TENM2: variants seen among roughly 807,000 people sequenced by gnomAD.
TENM2 encodes teneurin transmembrane protein 2, also known as teneurin-2.
TENM2 carries 52 observed loss-of-function variants against 245.2 expected under a neutral mutation model. The observed-to-expected ratio is 0.21, with a 90% CI of 0.17 to 0.27. TENM2 has a LOEUF of 0.27. TENM2 is among the 10% of genes least tolerant of loss of function. TENM2 has a pLI of 1.00. For synonymous variants in TENM2, 1,363 were observed against 1,438.9 expected (o/e 0.95, Z 1.19); for missense variants, 3,046 against 3,666.8 (o/e 0.83, Z 4.37).
intron 2 of TENM2, among the ~76,000 whole-genome samples, chr5:167,545,391 A>G (rs1772490369): frequency 1.3e-5 from 2 of 152,178 alleles, no homozygotes; most frequent in South Asian, 4.1e-4. Flanking sequence ...GTCTATGAAA[A>G]CAGATCAGTC....
At chr5:167,345,144 C>A (rs1758379896) in intron 1 of TENM2, among the ~76,000 whole-genome samples, 1 of 152,150 alleles carries the variant, frequency 6.6e-6, no homozygotes, top group Admixed American at 6.5e-5. Context: ...CTCAATTATT[C>A]AAAAGCAGAC....
At chr5:167,806,885 C>A (rs1379023914) in intron 2 of TENM2, among the ~76,000 whole-genome samples, 1 of 151,856 alleles carries the variant, frequency 6.6e-6, no homozygotes, top group Non-Finnish European at 1.5e-5. Flanking sequence ...ACAGGGCTAA[C>A]TTTTCTGAGT....
intron 2 of TENM2, among the ~76,000 whole-genome samples, chr5:167,395,029 G>A (rs149030031): frequency 3.0e-4 from 45 of 152,244 alleles, no homozygotes; most frequent in African/African-American, 1.0e-3. Context: ...TTTAAAAAAT[G>A]TCATTGGAAT....
chr5:168,142,287 T>A (rs1439300137), intron 12 of TENM2, among the ~76,000 whole-genome samples: 1 of 152,246 alleles, frequency 6.6e-6, no homozygotes, highest in Non-Finnish European at 1.5e-5. Context: ...TTTAGCTAAG[T>A]GTAGCCGGCT....
At chr5:166,995,120 T>C in the TENM2 span, among the ~76,000 whole-genome samples, 2 of 151,480 alleles carry the variant, frequency 1.3e-5, no homozygotes, top group East Asian at 3.9e-4. Context: ...ACATATGTAG[T>C]ATGTGCTTGA....
At chr5:167,774,214 G>GGAAGGAAGGA (rs1763598518) in intron 2 of TENM2, among the ~76,000 whole-genome samples, 2 of 111,326 alleles carry the variant, frequency 1.8e-5, no homozygotes, top group African/African-American at 4.3e-5. Flanking sequence ...GGGAGGGAGG[G>GGAAGGAAGGA]AGGAAGGAAG....
At chr5:167,108,760 C>T in the TENM2 span, among the ~76,000 whole-genome samples, 1 of 152,188 alleles carries the variant, frequency 6.6e-6, no homozygotes, top group African/African-American at 2.4e-5. Flanking sequence ...GGGCATAGCT[C>T]TACAATACTG....
chr5:167,105,959 G>A, the TENM2 span, among the ~76,000 whole-genome samples: 2 of 137,114 alleles, frequency 1.5e-5, no homozygotes, highest in African/African-American at 2.9e-5. Flanking sequence ...GTGTGTGCAA[G>A]CAGCTTTGAG....
the TENM2 span, among the ~76,000 whole-genome samples, chr5:167,107,332 G>A: frequency 6.6e-6 from 1 of 151,886 alleles, no homozygotes; most frequent in Non-Finnish European, 1.5e-5. Context: ...GAAAAAGAAA[G>A]AAAGAAAGAA....
chr5:167,547,576 A>T (rs998539401), intron 2 of TENM2, among the ~76,000 whole-genome samples: 3 of 152,216 alleles, frequency 2.0e-5, no homozygotes, highest in Non-Finnish European at 4.4e-5. Flanking sequence ...TATTTTGTCT[A>T]TAAATGTGGA....
intron 1 of TENM2, among the ~76,000 whole-genome samples, chr5:167,299,512 A>G (rs954547406): frequency 4.6e-5 from 7 of 152,048 alleles, no homozygotes; most frequent in South Asian, 2.1e-4. Flanking sequence ...AATCCTTGAG[A>G]AGTAGTAGAA....
chr5:167,297,857 T>G (rs1755046049), intron 1 of TENM2, among the ~76,000 whole-genome samples: 1 of 152,114 alleles, frequency 6.6e-6, no homozygotes, highest in South Asian at 2.1e-4. Context: ...GTAGGGGAGC[T>G]TTTGAGCCAG....
At chr5:167,818,857 C>T (rs1395144764) in intron 2 of TENM2, among the ~76,000 whole-genome samples, 1 of 152,144 alleles carries the variant, frequency 6.6e-6, no homozygotes, top group East Asian at 1.9e-4. Flanking sequence ...ATGAGAGGAA[C>T]CGCTTCAAGC....
chr5:167,989,298 G>GAGAGAGAGAGAGAGAGAGAGAT, intron 4 of TENM2, among the ~76,000 whole-genome samples: 1 of 147,768 alleles, frequency 6.8e-6, no homozygotes, highest in African/African-American at 2.5e-5. Context: ...GAGAGAGAGA[G>GAGAGAGAGAGAGAGAGAGAGAT]AGATAGATAG....
At chr5:167,450,916 T>C (rs1033201576) in intron 2 of TENM2, among the ~76,000 whole-genome samples, 1 of 152,234 alleles carries the variant, frequency 6.6e-6, no homozygotes, top group African/African-American at 2.4e-5. Flanking sequence ...CTGTTCTGAC[T>C]CTTTAATGTG....
the TENM2 span, among the ~76,000 whole-genome samples, chr5:167,229,560 G>A: frequency 6.6e-6 from 1 of 152,232 alleles, no homozygotes; most frequent in African/African-American, 2.4e-5. Context: ...AGACCTGCAG[G>A]TGGCAGGTAC....
chr5:167,954,416 A>AT (rs1330382742), intron 4 of TENM2, among the ~76,000 whole-genome samples: 1 of 152,244 alleles, frequency 6.6e-6, no homozygotes, highest in African/African-American at 2.4e-5. Context: ...TGGTTCAAAC[A>AT]TTAAAAACAT....
chr5:167,195,201 C>A, the TENM2 span, among the ~76,000 whole-genome samples: 1 of 152,026 alleles, frequency 6.6e-6, no homozygotes, highest in African/African-American at 2.4e-5. Context: ...TAGCTGTGTA[C>A]TTCTGCTAAC....
chr5:167,465,200 T>G (rs1766567151), intron 2 of TENM2, among the ~76,000 whole-genome samples: 1 of 152,248 alleles, frequency 6.6e-6, no homozygotes, highest in Admixed American at 6.5e-5. Context: ...GAACTCTGAT[T>G]TGGTGAATGT....
Sources: allele counts gnomAD v4.1 joint callset (sites outside exome capture counted in the v4.1 genomes callset), GRCh38; gene constraint gnomAD v4.1.1; transcripts MANE v1.5; gene names NCBI Gene and HGNC (gene_info 2026-07-23, HGNC 2026-07-21).